TRAPPC9: variants seen among roughly 807,000 people sequenced by gnomAD.
The protein encoded by TRAPPC9 is IKK2 binding protein.
Under a neutral mutation model 124.0 loss-of-function variants are expected in TRAPPC9, and 83 were observed. The ratio of observed to expected loss-of-function variants is 0.67; its 90% confidence interval spans 0.56 to 0.80. The LOEUF is 0.80. TRAPPC9 is among the 30% of genes least tolerant of loss of function. The probability of loss-of-function intolerance (pLI) is 0.00; values close to 1 mark genes in which losing one functional copy is unlikely to be tolerated. For synonymous variants in TRAPPC9, 638 were observed against 617.5 expected, an observed-to-expected ratio of 1.03 and a Z score of -0.49; for missense variants, 1,302 against 1,508.3, an observed-to-expected ratio of 0.86 and a Z score of 2.27.
chr8:140,320,184 T>C (rs572613077), intron 9 of TRAPPC9, among the ~76,000 whole-genome samples: 25 of 152,312 alleles, frequency 1.6e-4, no homozygotes, highest in African/African-American at 4.8e-4. Flanking sequence ...CAGTTAGTAT[T>C]TGAATGGTTT....
chr8:140,176,182 G>A (rs930603409), intron 17 of TRAPPC9, among the ~76,000 whole-genome samples: 1 of 152,180 alleles, frequency 6.6e-6, no homozygotes, highest in African/African-American at 2.4e-5. Flanking sequence ...TAATTAATAT[G>A]AACAAAATGT....
chr8:140,044,539 A>T (rs1841467196), intron 17 of TRAPPC9, among the ~76,000 whole-genome samples: 1 of 152,346 alleles, frequency 6.6e-6, no homozygotes, highest in Non-Finnish European at 1.5e-5. Context: ...TAACCTGTTT[A>T]TCAGGCCCCA....
At chr8:140,265,974 T>C (rs2064638498) in intron 15 of TRAPPC9, among the ~76,000 whole-genome samples, 1 of 152,216 alleles carries the variant, frequency 6.6e-6, no homozygotes, top group Non-Finnish European at 1.5e-5. Flanking sequence ...AATTAAGCGG[T>C]GTGAACGTGC....
chr8:139,802,408 A>G lies in TRAPPC9; in HGVS notation c.3056-70206T>C, dbSNP rs1346261944. ...CCCTCAATGATCTGAGATCCTGGCT[A>G]TGGGAGGGGTCCCTGGGGCAGTGGA... On this transcript the variant is annotated intron_variant, in intron 21 of 22. Transcript: ENST00000438773. 5.3e-5 allele frequency among the ~76,000 whole-genome samples: 8 copies of G among 152,098 alleles called. No homozygotes were observed. The East Asian group carries it at 1.5e-3, about 29-fold the overall frequency.
intron 9 of TRAPPC9, among the ~76,000 whole-genome samples, chr8:140,327,251 A>C (rs1284953805): frequency 6.6e-6 from 1 of 152,080 alleles, no homozygotes; most frequent in Non-Finnish European, 1.5e-5. Context: ...TCTAAAAAAA[A>C]AGACAAGACA....
chr8:139,960,019 G>A (rs564020952), intron 19 of TRAPPC9, among the ~76,000 whole-genome samples: 1 of 152,358 alleles, frequency 6.6e-6, no homozygotes, highest in East Asian at 1.9e-4. Context: ...TCAGATGCTT[G>A]AGCAGACACT....
At chr8:139,798,538 G>T (rs1193438675) in intron 21 of TRAPPC9, among the ~76,000 whole-genome samples, 1 of 152,186 alleles carries the variant, frequency 6.6e-6, no homozygotes, top group Non-Finnish European at 1.5e-5. Flanking sequence ...TGCTTGTTTG[G>T]TTTTTTCAAA....
rs574270079 is a variant in TRAPPC9 at position 139,879,094 on chromosome 8, C to T, written c.3055+6785G>A. On this transcript the variant is annotated intron_variant, in intron 21 of 22. Transcript: ENST00000438773. ...TCTGCCAGGGAACGAGGGCCCAGCC[C>T]GGCATGGCGGCCTACGGGTGTGATA... 1.4e-4 allele frequency among the ~76,000 whole-genome samples: 21 copies of T among 152,364 alleles called. No individual in the cohort carries two copies. The South Asian group carries it at 1.4e-3, about 11-fold the overall frequency.
At chr8:140,359,137 A>G (rs73372885) in intron 9 of TRAPPC9, among the ~76,000 whole-genome samples, 14,164 of 152,194 alleles carry the variant, frequency 0.093, 1,838 homozygotes, top group African/African-American at 0.29. Context: ...CTCCCCGTGC[A>G]GCTGAGGCCT....
intron 18 of TRAPPC9, among the ~76,000 whole-genome samples, chr8:140,014,381 A>G (rs958583143): frequency 6.6e-6 from 1 of 152,186 alleles, no homozygotes; most frequent in African/African-American, 2.4e-5. Flanking sequence ...AGGTAATTTG[A>G]TCTTTTAAAT....
At chr8:139,838,447 G>T (rs1263422623) in intron 21 of TRAPPC9, among the ~76,000 whole-genome samples, 1 of 152,240 alleles carries the variant, frequency 6.6e-6, no homozygotes, top group African/African-American at 2.4e-5. Flanking sequence ...TGACCTCTGG[G>T]GCATGTGGGG....
chr8:139,802,533 CT>C (rs1823610246), intron 21 of TRAPPC9, among the ~76,000 whole-genome samples: 1 of 152,218 alleles, frequency 6.6e-6, no homozygotes, highest in Admixed American at 6.5e-5. Context: ...GTTCCTTCAA[CT>C]TTGAAATGAG....
At chr8:140,235,079 T>G (rs2131395090) in intron 16 of TRAPPC9, among the ~76,000 whole-genome samples, 1 of 152,270 alleles carries the variant, frequency 6.6e-6, no homozygotes, top group East Asian at 1.9e-4. Flanking sequence ...CAAGCAATTC[T>G]CCTGCCTCAG....
chr8:139,977,806 G>T (rs544877796), intron 19 of TRAPPC9, among the ~76,000 whole-genome samples: 1 of 151,314 alleles, frequency 6.6e-6, no homozygotes, highest in African/African-American at 2.4e-5. Context: ...TTAGCCTCCC[G>T]AATAGCTGAG....
At chr8:140,093,582 T>C (rs1465198205) in intron 17 of TRAPPC9, among the ~76,000 whole-genome samples, 8 of 151,930 alleles carry the variant, frequency 5.3e-5, no homozygotes, top group Non-Finnish European at 1.2e-4. Context: ...GCAGTAGAAT[T>C]GCTTGAACTC....
At chr8:140,178,820 T>C (rs2130993665) in intron 17 of TRAPPC9, among the ~76,000 whole-genome samples, 3 of 152,292 alleles carry the variant, frequency 2.0e-5, no homozygotes, top group Middle Eastern at 6.8e-3. Context: ...AGGCATTCCG[T>C]TTCATCTTCA....
At chr8:140,255,113 G>A (rs1177970585) in intron 15 of TRAPPC9, among the ~76,000 whole-genome samples, 1 of 152,266 alleles carries the variant, frequency 6.6e-6, no homozygotes, top group East Asian at 1.9e-4. Context: ...ACGTCTGACA[G>A]ACGGCGTTTA....
At chr8:139,911,893 G>A (rs1449937154) in intron 19 of TRAPPC9, among the ~76,000 whole-genome samples, 1 of 152,008 alleles carries the variant, frequency 6.6e-6, no homozygotes, top group Non-Finnish European at 1.5e-5. Context: ...CAGTCTCCAC[G>A]ACAGCTTGGG....
chr8:140,032,359 T>TA (rs1407327269), intron 17 of TRAPPC9, among the ~76,000 whole-genome samples: 2 of 152,250 alleles, frequency 1.3e-5, no homozygotes, highest in Non-Finnish European at 2.9e-5. Context: ...TTTATTTACA[T>TA]ACATTTATTT....
Sources: gnomAD v4.1 joint callset for allele counts (sites outside exome capture counted in the v4.1 genomes callset) on GRCh38, gnomAD v4.1.1 for gene constraint, MANE v1.5 for transcripts, NCBI Gene and HGNC (gene_info 2026-07-23, HGNC 2026-07-21) for gene names.